Variants in TRAK2 observed in about 807,000 individuals in gnomAD.
The protein encoded by TRAK2 is trafficking kinesin-binding protein 2.
In TRAK2, 81 loss-of-function variants were observed where a neutral mutation model predicts 104.6. The ratio of observed to expected loss-of-function variants is 0.77; its 90% CI spans 0.65 to 0.93. TRAK2 has a LOEUF of 0.93. Among genes scored for constraint, TRAK2 ranks in the 40% least tolerant of loss-of-function variants. The pLI, the probability that TRAK2 is intolerant of heterozygous loss-of-function variation, is 0.00. For synonymous variants in TRAK2, 406 were observed against 394.4 expected (o/e 1.03, Z -0.35); for missense variants, 1,002 against 1,089.0 (o/e 0.92, Z 1.12).
intron 9 of TRAK2, among the ~76,000 whole-genome samples, chr2:201,393,837 T>C (rs1951471721): frequency 6.6e-6 from 1 of 152,200 alleles, no homozygotes; most frequent in Admixed American, 6.5e-5. Flanking sequence ...AGTCTCAATC[T>C]TCTGGGCTTA....
chr2:201,436,303 T>G (rs759733663), intron 1 of TRAK2, among the ~76,000 whole-genome samples: 8 of 152,136 alleles, frequency 5.3e-5, no homozygotes, highest in Non-Finnish European at 5.9e-5. Flanking sequence ...TACTAAAATA[T>G]GTACTGTACT....
At chr2:201,404,514 C>T (rs1379179438) in intron 3 of TRAK2, among the ~76,000 whole-genome samples, 5 of 152,146 alleles carry the variant, frequency 3.3e-5, no homozygotes, top group Admixed American at 2.6e-4. Flanking sequence ...GTTTAACATA[C>T]ATAAGCACTT....
At chr2:201,411,509 A>G in intron 2 of TRAK2, 1 of 745,870 alleles carries the variant, frequency 1.3e-6, no homozygotes, top group East Asian at 2.5e-5. Context: ...GCTCCAGCTT[A>G]GTCTTATGTT....
rs1951732123 is a variant in TRAK2, at chr2:201,420,590, T to C, written c.-83A>G. Reference sequence around the variant, plus strand: ...GGAAATCCATCAAGCCATTCAATAATGAAATGGATTTGGTCACATGGATAT... The same window carrying C: ...GGAAATCCATCAAGCCATTCAATAACGAAATGGATTTGGTCACATGGATAT... On this transcript the variant is annotated 5_prime_UTR_variant, in exon 2 of 16. Transcript: ENST00000332624. 3.0e-5 allele frequency: 34 copies of C among 1,147,252 alleles called. No individual in the cohort carries two copies. The highest frequency in any genetic ancestry group is 3.8e-5 in the South Asian group (3 of 78,680). The allele number at this position is 1,147,252 out of a possible 1,614,324, so 71.1% of individuals were successfully genotyped here.
intron 1 of TRAK2, among the ~76,000 whole-genome samples, chr2:201,426,508 C>T (rs1419157079): frequency 3.9e-5 from 6 of 152,244 alleles, no homozygotes; most frequent in African/African-American, 1.4e-4. Context: ...AACCACCCTC[C>T]TCATCTCCAC....
At chr2:201,449,454 A>C (rs1479957542) in intron 1 of TRAK2, among the ~76,000 whole-genome samples, 1 of 150,924 alleles carries the variant, frequency 6.6e-6, no homozygotes, top group African/African-American at 2.4e-5. Flanking sequence ...GGTGCCTGGC[A>C]GATTGCAAAT....
intron 3 of TRAK2, among the ~76,000 whole-genome samples, chr2:201,406,295 C>T (rs895911203): frequency 1.3e-5 from 2 of 152,096 alleles, no homozygotes; most frequent in Non-Finnish European, 2.9e-5. Context: ...TTGTAGGAAA[C>T]TGGTGCTAAA....
chr2:201,394,411 G>C (rs1188883913), intron 9 of TRAK2, among the ~76,000 whole-genome samples: 1 of 149,532 alleles, frequency 6.7e-6, no homozygotes, highest in African/African-American at 2.5e-5. Flanking sequence ...GGCACATCTG[G>C]GCCCACTGCA....
chr2:201,388,180 T>C (rs1223544130), intron 12 of TRAK2, 179 bp from the exon 13 acceptor site: 1 of 671,780 alleles, frequency 1.5e-6, no homozygotes, highest in East Asian at 2.8e-5. Flanking sequence ...CTATATATCA[T>C]TTTTACAGAT....
intron 10 of TRAK2, 121 bp from the exon 11 acceptor site, chr2:201,390,001 G>A: frequency 1.1e-5 from 7 of 629,434 alleles, no homozygotes; most frequent in South Asian, 5.4e-5. Flanking sequence ...CTAACATTCA[G>A]GGGAAAAAAG....
intron 2 of TRAK2, 37 bp from the exon 3 acceptor site, chr2:201,407,634 T>G (rs1951607323): frequency 6.5e-6 from 10 of 1,537,992 alleles, no homozygotes; most frequent in Admixed American, 2.1e-5. Flanking sequence ...ATCCAATATA[T>G]TTCAACTTTT....
At chr2:201,415,586 A>G (rs1951684581) in intron 2 of TRAK2, among the ~76,000 whole-genome samples, 1 of 152,188 alleles carries the variant, frequency 6.6e-6, no homozygotes, top group Non-Finnish European at 1.5e-5. Flanking sequence ...ATCTAAAATG[A>G]AAGACTCACT....
intron 2 of TRAK2, chr2:201,411,293 A>T: frequency 2.7e-6 from 2 of 741,628 alleles, no homozygotes; most frequent in Non-Finnish European, 2.5e-6. Flanking sequence ...GTTTTTCTTC[A>T]AGTGTAAGTG....
chr2:201,411,810 G>C, intron 2 of TRAK2: 1 of 818,428 alleles, frequency 1.2e-6, no homozygotes, highest in Non-Finnish European at 2.2e-6. Context: ...TGAATTTACA[G>C]GAACAGCAAG....
chr2:201,403,782 T>G (rs1044280397), intron 3 of TRAK2, among the ~76,000 whole-genome samples: 2 of 150,828 alleles, frequency 1.3e-5, no homozygotes, highest in African/African-American at 4.9e-5. Context: ...CCAGGAACCT[T>G]TGTTAAAAAG....
chr2:201,400,245 G>C (rs1217043101), intron 4 of TRAK2, among the ~76,000 whole-genome samples: 1 of 152,050 alleles, frequency 6.6e-6, no homozygotes, highest in African/African-American at 2.4e-5. Flanking sequence ...AATTCCATCT[G>C]TGTGGTAGTG....
At position 201,389,896 on chromosome 2, in the gene TRAK2, T is replaced by C. The variant is rs1057218307; in HGVS notation, c.1114-16A>G. Reference sequence around the variant, plus strand: ...CCAAAGATTCCTAAGAAAAAGAGTTTGAGATTTCTAAAGTGATTGTTGCCC... The same window carrying C: ...CCAAAGATTCCTAAGAAAAAGAGTTCGAGATTTCTAAAGTGATTGTTGCCC... On this transcript the variant is annotated splice_polypyrimidine_tract_variant and intron_variant, in intron 10 of 15. Transcript: ENST00000332624. 6.2e-7 allele frequency: 1 copy of C among 1,603,594 alleles called. No individual in the cohort carries two copies. Among genetic ancestry groups the C allele is most frequent in the Non-Finnish European group, 8.5e-7 (1 of 1,171,900 alleles).
In TRAK2 at chr2:201,395,422, G is replaced by T; in HGVS notation, c.792C>A (p.Ser264=). ...TCCCTGACAATTCTTCAGTCATTCT[G>T]GACATCTGAGCATTTGTTTCACCTT... ...KELRETNAQM[S]RMTEELSGKS... is the part of the protein sequence containing the mutation. The change falls in exon 8 of 16, where the codon TCC becomes TCA. Residue 264 remains serine, a synonymous_variant. Transcript: ENST00000332624. 6.4e-7 allele frequency: 1 copy of T among 1,560,870 alleles called. No individual in the cohort carries two copies.
At chr2:201,392,851 G>A (rs1951459682) in intron 10 of TRAK2, 58 bp downstream of exon 10, 3 of 1,515,588 alleles carry the variant, frequency 2.0e-6, no homozygotes, top group Admixed American at 4.0e-5. Context: ...AAACTTTTAG[G>A]ACAAACTAAT....
Sources: allele counts gnomAD v4.1 joint callset (sites outside exome capture counted in the v4.1 genomes callset), GRCh38; gene constraint gnomAD v4.1.1; transcripts MANE v1.5; gene names NCBI Gene and HGNC (gene_info 2026-07-23, HGNC 2026-07-21).